Variants in PHF8 observed in about 807,000 individuals in gnomAD.
The protein encoded by PHF8 is histone lysine demethylase PHF8.
A neutral mutation model predicts 74.4 loss-of-function variants in PHF8; 9 were observed. That is an observed-to-expected ratio of 0.12 (90% confidence interval 0.07 to 0.21). PHF8 has a LOEUF of 0.21. Ranked by LOEUF, PHF8 falls within the 10% of genes least tolerant of loss-of-function variation. The pLI is 1.00. For synonymous variants in PHF8, 311 were observed against 316.6 expected, an observed-to-expected ratio of 0.98 and a Z score of 0.19; for missense variants, 478 against 816.6, an observed-to-expected ratio of 0.59 and a Z score of 5.05.
chrX:54,020,265 A>G (rs1557109473), intron 4 of PHF8, among the ~76,000 whole-genome samples: 1 of 112,541 alleles, frequency 8.9e-6, no homozygotes, highest in Non-Finnish European at 1.9e-5. Flanking sequence ...CACCCTCCGC[A>G]CATTATCTGT....
At chrX:53,981,529 T>G (rs2065479790) in intron 18 of PHF8, among the ~76,000 whole-genome samples, 1 of 111,704 alleles carries the variant, frequency 9.0e-6, no homozygotes, top group African/African-American at 3.2e-5. Context: ...TTTGTTTGTT[T>G]GTTTTGCCAA....
intron 18 of PHF8, among the ~76,000 whole-genome samples, chrX:53,968,967 G>GCTCATGCCTGTAATCCCAGCAGTGC (rs1172505929): frequency 5.4e-5 from 6 of 111,492 alleles, no homozygotes; most frequent in Non-Finnish European, 9.4e-5. Flanking sequence ...GGGTGCAGTG[G>GCTCATGCCTGTAATCCCAGCAGTGC]CTCATGCCTG....
At chrX:53,944,448 T>A in intron 19 of PHF8, 1 of 406,784 alleles carries the variant, frequency 2.5e-6, no homozygotes, top group Non-Finnish European at 4.3e-6. Context: ...AAGGTAAACC[T>A]CCCAGAGGGA....
chrX:53,991,527 T>G (rs1234935683), intron 14 of PHF8, among the ~76,000 whole-genome samples: 4 of 109,843 alleles, frequency 3.6e-5, no homozygotes, highest in African/African-American at 1.3e-4. Context: ...CTGGGCATAG[T>G]GGCATGCGCC....
chrX:54,017,870 A>C (rs782348022), intron 4 of PHF8, 49 bp from the exon 5 acceptor site: 1 of 1,145,222 alleles, frequency 8.7e-7, no homozygotes, highest in Non-Finnish European at 1.2e-6. Context: ...TGCCCACTAA[A>C]GGCCTTATTG....
At chrX:53,956,450 T>C (rs959913088) in intron 19 of PHF8, among the ~76,000 whole-genome samples, 2 of 111,494 alleles carry the variant, frequency 1.8e-5, no homozygotes, top group Admixed American at 1.9e-4. Flanking sequence ...AGTCATCTTT[T>C]TGGGGGGAAT....
intron 18 of PHF8, among the ~76,000 whole-genome samples, chrX:53,971,927 T>C (rs184290472): frequency 9.0e-6 from 1 of 111,631 alleles, no homozygotes; most frequent in Admixed American, 9.6e-5. Flanking sequence ...GTACCATTTC[T>C]ACTGAAACTA....
At chrX:53,990,417 G>C (rs2065639711) in intron 14 of PHF8, among the ~76,000 whole-genome samples, 1 of 111,023 alleles carries the variant, frequency 9.0e-6, no homozygotes, top group South Asian at 3.8e-4. Context: ...ATAGGCAGCA[G>C]CACAAGAAGG....
intron 11 of PHF8, among the ~76,000 whole-genome samples, chrX:53,996,329 G>A (rs2065747383): frequency 9.1e-6 from 1 of 110,247 alleles, no homozygotes; most frequent in Non-Finnish European, 1.9e-5. Flanking sequence ...TGGCCAGGCT[G>A]GTCTCGAACT....
chrX:53,949,746 A>G (rs2064891135), intron 19 of PHF8, among the ~76,000 whole-genome samples: 2 of 94,902 alleles, frequency 2.1e-5, no homozygotes, highest in African/African-American at 8.2e-5. Flanking sequence ...CGGAAGGCGG[A>G]GCTTGCAGTG....
intron 18 of PHF8, among the ~76,000 whole-genome samples, chrX:53,974,804 A>G (rs1033222223): frequency 8.9e-6 from 1 of 112,187 alleles, no homozygotes; most frequent in Non-Finnish European, 1.9e-5. Context: ...AAACTAACAC[A>G]AGAACAGAAA....
intron 2 of PHF8, among the ~76,000 whole-genome samples, chrX:54,026,521 G>T (rs2066270242): frequency 9.4e-6 from 1 of 106,074 alleles, no homozygotes; most frequent in African/African-American, 3.6e-5. Flanking sequence ...CTGGTTTTTG[G>T]TTTTGGCTTT....
chrX:53,952,283 CA>C (rs782483897), intron 19 of PHF8, among the ~76,000 whole-genome samples: 1,028 of 65,472 alleles, frequency 0.016, 10 homozygotes, highest in African/African-American at 0.046. Flanking sequence ...GACTCTGTCT[CA>C]AAAAAAAAAA....
intron 19 of PHF8, among the ~76,000 whole-genome samples, chrX:53,960,310 T>C (rs1048055430): frequency 3.7e-5 from 4 of 107,182 alleles, no homozygotes; most frequent in Non-Finnish European, 5.8e-5. Context: ...CTCCTGACCT[T>C]GTGATCCACC....
At chrX:53,943,974 G>A (rs1022076984) in intron 20 of PHF8, among the ~76,000 whole-genome samples, 160 bp downstream of exon 20, 2 of 112,381 alleles carry the variant, frequency 1.8e-5, no homozygotes, top group Non-Finnish European at 3.8e-5. Context: ...GGATAAGAGG[G>A]ATTTAAGAGG....
upstream of PHF8, among the ~76,000 whole-genome samples, chrX:54,044,679 T>G: frequency 8.9e-6 from 1 of 112,792 alleles, no homozygotes; most frequent in Non-Finnish European, 1.9e-5. Flanking sequence ...TTTGGCTCCA[T>G]TTTGAGTGGG....
At chrX:53,975,117 T>A in intron 18 of PHF8, among the ~76,000 whole-genome samples, 1 of 112,032 alleles carries the variant, frequency 8.9e-6, no homozygotes, top group African/African-American at 3.2e-5. Context: ...ATATCACTCA[T>A]CATCAGGGAA....
chrX:53,990,551 G>A (rs782805645), intron 14 of PHF8, among the ~76,000 whole-genome samples: 2 of 111,319 alleles, frequency 1.8e-5, no homozygotes, highest in Non-Finnish European at 3.8e-5. Context: ...TCTGGACAAA[G>A]GCAATATTCA....
In PHF8 at chrX:53,938,428, T is replaced by C. The variant is rs1488593091; in HGVS notation, c.*730A>G. The C allele has an allele frequency of 1.3e-6, 1 of 792,495 alleles. No individual in the cohort carries two copies. The highest frequency in any genetic ancestry group is 1.5e-6 in the Non-Finnish European group (1 of 664,078). 65.3% of individuals were successfully genotyped at this position (792,495 alleles called of 1,213,427 possible). A position where few individuals can be genotyped will look rare whatever the true frequency, so the allele number is the denominator to read the frequency against. ...GGCCTCATGTGTAGCCAGCTAAAAG[T>C]AGCTTCCTCCAACAGGCTACAAAAC... On this transcript the variant is annotated 3_prime_UTR_variant, in exon 22 of 22. Transcript: ENST00000338154.
Sources: gnomAD v4.1 joint callset for allele counts (sites outside exome capture counted in the v4.1 genomes callset) on GRCh38, gnomAD v4.1.1 for gene constraint, MANE v1.5 for transcripts, NCBI Gene and HGNC (gene_info 2026-07-23, HGNC 2026-07-21) for gene names.